The following ZER1 variants were observed in gnomAD, a reference collection of about 807,000 sequenced individuals.
ZER1 encodes the protein protein zer-1 homolog.
In ZER1, 11 loss-of-function variants were observed where a neutral mutation model predicts 78.8. That is an observed-to-expected ratio of 0.14 (90% CI 0.09 to 0.23). The LOEUF (loss-of-function observed/expected upper bound fraction) is 0.23, where lower values mean the gene tolerates loss of function less well. Among genes scored for constraint, ZER1 ranks in the 10% least tolerant of loss-of-function variants. The pLI, the probability that ZER1 is intolerant of heterozygous loss-of-function variation, is 1.00. For synonymous variants in ZER1, 400 were observed against 407.0 expected (o/e 0.98, Z 0.21); for missense variants, 588 against 996.9 (o/e 0.59, Z 5.52).
chr9:128,765,457 G>C (rs1211407895), intron 1 of ZER1, among the ~76,000 whole-genome samples: 1 of 152,226 alleles, frequency 6.6e-6, no homozygotes, highest in Admixed American at 6.5e-5. Flanking sequence ...AAACTGATGA[G>C]AGTGGGATGC....
Position 128,734,140 on chromosome 9 carries a change from A to T in ZER1, c.2141-612T>A, listed in dbSNP as rs1219163817. Among the ~76,000 whole-genome samples, 29 of 17,312 alleles carry T rather than the reference A, an allele frequency of 1.7e-3. 9 individuals are homozygous for T. Among genetic ancestry groups the T allele is most frequent in the Middle Eastern group, 0.023 (1 of 44 alleles). 11.4% of individuals were successfully genotyped at this position (17,312 alleles called of 152,430 possible). On this transcript the variant is annotated intron_variant, in intron 14 of 15. Coordinates refer to ENST00000291900, the MANE Select transcript of ZER1 (RefSeq NM_006336.4). ...AAAACTCCGTCTCAAAAAAAAAAAA[A>T]AAAAATATATATATATATATATAAA...
chr9:128,748,277 C>T (rs1457554845), intron 8 of ZER1, among the ~76,000 whole-genome samples: 6 of 151,620 alleles, frequency 4.0e-5, no homozygotes, highest in East Asian at 3.9e-4. Flanking sequence ...GGGTGGCGGG[C>T]GCCTGTAGTC....
chr9:128,738,546 C>T (rs1379972536), intron 13 of ZER1, among the ~76,000 whole-genome samples: 44 of 144,704 alleles, frequency 3.0e-4, no homozygotes, highest in African/African-American at 8.5e-4. Context: ...CCACCACGCC[C>T]GGCTAATTTT....
In ZER1 at chr9:128,766,845, C is replaced by CAAAA. The variant is rs1176953959; in HGVS notation, c.-95+4732_-95+4735dup. 5.3e-3 allele frequency among the ~76,000 whole-genome samples: 259 copies of CAAAA among 49,042 alleles called. 5 individuals are homozygous for CAAAA. The highest frequency in any genetic ancestry group is 0.022 in the South Asian group (16 of 734). 32.2% of individuals were successfully genotyped at this position (49,042 alleles called of 152,430 possible). On this transcript the variant is annotated intron_variant, in intron 1 of 15. Transcript: ENST00000291900. ...TGGGTGACAGAGCAAGATTCCGTCT[C>CAAAA]AAAAAAAAAAAAAAAAAAAAAAAGA...
intron 13 of ZER1, among the ~76,000 whole-genome samples, chr9:128,738,285 C>T (rs1863159073): frequency 7.1e-6 from 1 of 141,508 alleles, no homozygotes; most frequent in African/African-American, 2.6e-5. Context: ...ACCTCATGAT[C>T]TGCCCGCCTC....
chr9:128,735,398 C>T lies in ZER1; in HGVS notation c.2076G>A (p.Gln692=), dbSNP rs1447804347. 3 of 1,614,086 alleles carry T rather than the reference C, an allele frequency of 1.9e-6. No individual in the cohort carries two copies. The highest frequency in any genetic ancestry group is 3.3e-5 in the Admixed American group (2 of 60,002). The change falls in exon 14 of 16, where the codon CAG becomes CAA. Residue 692 remains glutamine, a synonymous_variant. Transcript: ENST00000291900. ...AGTGCTGGCTGACAGGAGAGATTCC[C>T]TGGGGAAGGAGGCGGAGAATTGGTT... ...SFEPILRLLP[Q]GISPVSQHWA...
chr9:128,753,963 G>T lies in ZER1; in HGVS notation c.159-4C>A. 2 of 1,581,560 alleles carry T rather than the reference G, an allele frequency of 1.3e-6. No individual in the cohort carries two copies. The highest frequency in any genetic ancestry group is 4.7e-5 in the East Asian group (2 of 42,612). ...AGCGTTCACCAGCTCCACATACCTG[G>T]GAGAGAAAAAAGCCTGGCTCAGGAG... On this transcript the variant is annotated splice_region_variant and splice_polypyrimidine_tract_variant and intron_variant, in intron 2 of 15. Coordinates refer to ENST00000291900, the MANE Select transcript of ZER1 (RefSeq NM_006336.4). The surrounding 1 kb of genome is among the most constrained non-coding windows in gnomAD (Gnocchi z 7.5).
chr9:128,745,814 C>T (rs747892230), intron 8 of ZER1: 5 of 151,334 alleles, frequency 3.3e-5, no homozygotes, highest in Non-Finnish European at 7.4e-5. Context: ...CATCACACCC[C>T]GCCTTTTTTT....
chr9:128,735,265 CA>C lies in ZER1; in HGVS notation c.2140+68del, dbSNP rs1863026217. 4 of 1,429,722 alleles carry C rather than the reference CA, an allele frequency of 2.8e-6. No homozygotes were observed. The South Asian group carries it at 5.2e-5, about 19-fold the overall frequency. The allele number at this position is 1,429,722 out of a possible 1,614,324, so 88.6% of individuals were successfully genotyped here. ...CAATTAATGCCCCCCTCCTGGACTACAAACTCCCTGAGGGCACATCTGCTTT... is the reference window on the plus strand; with the variant it reads ...CAATTAATGCCCCCCTCCTGGACTACAACTCCCTGAGGGCACATCTGCTTT... On this transcript the variant is annotated intron_variant, in intron 14 of 15. Transcript: ENST00000291900.
intron 1 of ZER1, among the ~76,000 whole-genome samples, chr9:128,761,668 G>C (rs773933497): frequency 1.0e-4 from 15 of 144,050 alleles, no homozygotes; most frequent in Non-Finnish European, 2.0e-4. Flanking sequence ...ACAGTGGTAC[G>C]ATCTCGGCTC....
In ZER1 at chr9:128,735,776, T is replaced by G. The variant is rs1215355990; in HGVS notation, c.2043-345A>C. ...GTGTGACCTGGTTTTTTTTTTTTTT[T>G]TTTTTTTTTTTTTTTTTGTGAGACG... On this transcript the variant is annotated intron_variant, in intron 13 of 15. Transcript: ENST00000291900. 5.9e-3 allele frequency among the ~76,000 whole-genome samples: 799 copies of G among 135,624 alleles called. 48 individuals are homozygous for G. The highest frequency in any genetic ancestry group is 9.7e-3 in the Non-Finnish European group (609 of 63,088). 89.0% of individuals were successfully genotyped at this position (135,624 alleles called of 152,430 possible).
At chr9:128,771,165 G>A (rs1053967053) in intron 1 of ZER1, among the ~76,000 whole-genome samples, 10 of 152,176 alleles carry the variant, frequency 6.6e-5, no homozygotes, top group Non-Finnish European at 1.3e-4. Flanking sequence ...CACCTGTCGG[G>A]CTCCCTTGGC....
At chr9:128,737,786 T>C (rs1020206242) in intron 13 of ZER1, among the ~76,000 whole-genome samples, 3 of 151,896 alleles carry the variant, frequency 2.0e-5, no homozygotes, top group African/African-American at 7.3e-5. Flanking sequence ...CACTGCAACC[T>C]CTGCCTTCCA....
chr9:128,744,914 T>C (rs1863434719), intron 8 of ZER1, among the ~76,000 whole-genome samples: 4 of 152,206 alleles, frequency 2.6e-5, no homozygotes, highest in African/African-American at 9.6e-5. Context: ...ATTCTACTGC[T>C]GATGGATGTC....
In ZER1 at chr9:128,730,309, C is replaced by T. The variant is rs1230311569; in HGVS notation, c.*1028G>A. On this transcript the variant is annotated 3_prime_UTR_variant, in exon 16 of 16. Transcript: ENST00000291900. ...CCCAAGCGGCCACTGCAGGGCAGTC[C>T]GAGTGCTGGTCTGGAGGCGGCTGTG... 2.6e-5 allele frequency: 4 copies of T among 153,120 alleles called. No homozygotes were observed. The highest frequency in any genetic ancestry group is 4.8e-5 in the African/African-American group (2 of 41,478). 9.5% of individuals were successfully genotyped at this position (153,120 alleles called of 1,614,324 possible).
chr9:128,767,896 G>A (rs1825223892), intron 1 of ZER1, among the ~76,000 whole-genome samples: 1 of 152,134 alleles, frequency 6.6e-6, no homozygotes, highest in South Asian at 2.1e-4. Flanking sequence ...TATGTGAGTG[G>A]CTCAATGCCA....
chr9:128,741,994 A>C (rs1863316012), intron 9 of ZER1, among the ~76,000 whole-genome samples, 153 bp from the exon 10 acceptor site: 1 of 152,138 alleles, frequency 6.6e-6, no homozygotes. Flanking sequence ...GGCTATTTGA[A>C]GGCATCCACG....
intron 1 of ZER1, among the ~76,000 whole-genome samples, chr9:128,758,503 C>CT (rs138792823): frequency 0.042 from 6,431 of 152,080 alleles, 196 homozygotes; most frequent in Non-Finnish European, 0.061. Context: ...ACTGCACCCT[C>CT]TATTTCCCAG....
rs1051246433 is a variant in ZER1 at position 128,755,293 on chromosome 9, A to C, written c.158+115T>G. 15 of 1,415,570 alleles carry C rather than the reference A, an allele frequency of 1.1e-5. No homozygotes were observed. Among genetic ancestry groups the C allele is most frequent in the East Asian group, 2.3e-5 (1 of 43,412 alleles). 87.7% of individuals were successfully genotyped at this position (1,415,570 alleles called of 1,614,324 possible). A position where few individuals can be genotyped will look rare whatever the true frequency, so the allele number is the denominator to read the frequency against. ...TGAACATCCATGTGCACACACACAC[A>C]CCCTCACACATTCATCTCCATAGCT... On this transcript the variant is annotated intron_variant, in intron 2 of 15. Transcript: ENST00000291900. This position sits in a 1 kb window ranked among gnomAD's most constrained non-coding sequence, Gnocchi z 5.6.
Sources: allele counts gnomAD v4.1 joint callset (sites outside exome capture counted in the v4.1 genomes callset), GRCh38; gene constraint gnomAD v4.1.1; non-coding constraint Gnocchi (gnomAD v3.1); transcripts MANE v1.5; gene names NCBI Gene and HGNC (gene_info 2026-07-23, HGNC 2026-07-21).